TSPAN15: variants seen among roughly 807,000 people sequenced by gnomAD.
TSPAN15 encodes the protein tetraspanin 15, also known as tetraspanin-15.
In TSPAN15, 20 loss-of-function variants were observed where a neutral mutation model predicts 34.5. The observed-to-expected ratio is 0.58, with a 90% CI of 0.41 to 0.84. The LOEUF (loss-of-function observed/expected upper bound fraction) is 0.84, where lower values mean the gene tolerates loss of function less well. Ranked by LOEUF, TSPAN15 falls within the 40% of genes least tolerant of loss-of-function variation. TSPAN15 has a pLI of 0.00. For synonymous variants in TSPAN15, 155 were observed against 153.9 expected, an observed-to-expected ratio of 1.01 and a Z score of -0.05; for missense variants, 313 against 386.1, an observed-to-expected ratio of 0.81 and a Z score of 1.59.
chr10:69,483,922 TG>T, intron 2 of TSPAN15, 46 bp downstream of exon 2: 2 of 1,581,118 alleles, frequency 1.3e-6, no homozygotes, highest in Non-Finnish European at 1.7e-6. Flanking sequence ...CCAGGAGAGC[TG>T]GGGCGCCTGC....
the TSPAN15 span, among the ~76,000 whole-genome samples, chr10:69,524,764 A>ATT: frequency 7.3e-6 from 1 of 136,438 alleles, no homozygotes; most frequent in Admixed American, 8.1e-5. Flanking sequence ...AAATAACAAG[A>ATT]TTATATATAT....
chr10:69,535,374 T>A, the TSPAN15 span, among the ~76,000 whole-genome samples: 1 of 152,172 alleles, frequency 6.6e-6, no homozygotes, highest in Admixed American at 6.5e-5. Flanking sequence ...ATAATTATAA[T>A]GGACTGAAAT....
intron 1 of TSPAN15, among the ~76,000 whole-genome samples, chr10:69,460,267 A>G (rs1416670446): frequency 1.3e-5 from 2 of 152,004 alleles, no homozygotes; most frequent in Admixed American, 1.3e-4. Context: ...CAGAAGCACT[A>G]GGCCACAACA....
chr10:69,542,377 G>C, the TSPAN15 span, among the ~76,000 whole-genome samples: 1 of 152,298 alleles, frequency 6.6e-6, no homozygotes, highest in African/African-American at 2.4e-5. Flanking sequence ...CTTCCAGACT[G>C]TTCCAACCTC....
At position 69,495,644 on chromosome 10, in the gene TSPAN15, T is replaced by C; in HGVS notation, c.408T>C (p.Tyr136=). The part of the protein sequence containing the change: ...DNIRRGIENY[Y]DDLDFKNIMD... ...TTCGAAGAGGAATTGAGAACTACTATGATGATCTGGACTTCAAAAACATCA... is the reference window on the plus strand; with the variant it reads ...TTCGAAGAGGAATTGAGAACTACTACGATGATCTGGACTTCAAAAACATCA... The change falls in exon 4 of 8, where the codon TAT becomes TAC. Residue 136 remains tyrosine, a synonymous_variant. Transcript: ENST00000373290. The C allele has an allele frequency of 6.2e-7, 1 of 1,614,176 alleles. No homozygotes were observed. Among genetic ancestry groups the C allele is most frequent in the Non-Finnish European group, 8.5e-7 (1 of 1,179,986 alleles).
At chr10:69,530,779 A>ACTCTCTCTCTCTCT in the TSPAN15 span, among the ~76,000 whole-genome samples, 1 of 50,032 alleles carries the variant, frequency 2.0e-5, no homozygotes, top group African/African-American at 6.8e-5. Flanking sequence ...ACAGAGTGAG[A>ACTCTCTCTCTCTCT]CTCTCTCTCT....
At chr10:69,493,430 T>G (rs1299546178) in intron 3 of TSPAN15, among the ~76,000 whole-genome samples, 1 of 151,704 alleles carries the variant, frequency 6.6e-6, no homozygotes, top group Non-Finnish European at 1.5e-5. Flanking sequence ...CAGAGGACTT[T>G]CCTTCTGGCC....
the TSPAN15 span, among the ~76,000 whole-genome samples, chr10:69,530,699 G>T: frequency 1.4e-5 from 2 of 142,844 alleles, no homozygotes; most frequent in Non-Finnish European, 3.1e-5. Context: ...CCAGCTATTT[G>T]GGAGGCTGAG....
chr10:69,456,277 G>A (rs995277931), intron 1 of TSPAN15, among the ~76,000 whole-genome samples: 27 of 151,820 alleles, frequency 1.8e-4, no homozygotes, highest in Admixed American at 1.3e-4. Context: ...TGGTAGAGAC[G>A]GGGTTCTACC....
the TSPAN15 span, among the ~76,000 whole-genome samples, chr10:69,524,605 C>A: frequency 7.1e-6 from 1 of 140,580 alleles, no homozygotes; most frequent in African/African-American, 2.6e-5. Flanking sequence ...AGCACAATAA[C>A]ATATTTTAAA....
intron 5 of TSPAN15, among the ~76,000 whole-genome samples, chr10:69,500,237 C>T (rs1036306468): frequency 3.9e-5 from 6 of 152,138 alleles, no homozygotes; most frequent in African/African-American, 9.7e-5. Context: ...CAGCTCAGTT[C>T]GGCTGGAGGC....
chr10:69,509,635 GT>G (rs1211777642), downstream of TSPAN15, among the ~76,000 whole-genome samples: 1 of 152,140 alleles, frequency 6.6e-6, no homozygotes, highest in Non-Finnish European at 1.5e-5. Flanking sequence ...TGCTTTTGGT[GT>G]TTTAGTCATG....
chr10:69,539,885 C>T, the TSPAN15 span, among the ~76,000 whole-genome samples: 1 of 152,010 alleles, frequency 6.6e-6, no homozygotes, highest in Non-Finnish European at 1.5e-5. Flanking sequence ...ACATATATCA[C>T]TTTTACTTAT....
chr10:69,541,668 C>G, the TSPAN15 span, among the ~76,000 whole-genome samples: 9 of 152,258 alleles, frequency 5.9e-5, no homozygotes, highest in African/African-American at 2.2e-4. Flanking sequence ...CGTTTCCATA[C>G]ATTGTCTGAA....
the TSPAN15 span, among the ~76,000 whole-genome samples, chr10:69,539,237 G>A: frequency 3.2e-4 from 48 of 151,972 alleles, no homozygotes; most frequent in Admixed American, 5.9e-4. Flanking sequence ...AATGGACTTC[G>A]GAGACTTGCA....
chr10:69,528,128 A>G, the TSPAN15 span, among the ~76,000 whole-genome samples: 1 of 147,798 alleles, frequency 6.8e-6, no homozygotes, highest in Non-Finnish European at 1.5e-5. Flanking sequence ...GGAGTATGTG[A>G]GCAAGCGTGG....
the TSPAN15 span, among the ~76,000 whole-genome samples, chr10:69,544,995 G>A: frequency 1.3e-5 from 2 of 152,206 alleles, no homozygotes; most frequent in Non-Finnish European, 2.9e-5. Context: ...CCCTAGCTCC[G>A]AAGAGAGCAA....
chr10:69,497,707 C>T (rs113754643), intron 4 of TSPAN15, among the ~76,000 whole-genome samples: 4 of 152,282 alleles, frequency 2.6e-5, no homozygotes, highest in African/African-American at 9.6e-5. Context: ...AGGCACATAC[C>T]AGCCATCAGG....
chr10:69,538,413 TG>T, the TSPAN15 span, among the ~76,000 whole-genome samples: 3 of 152,152 alleles, frequency 2.0e-5, no homozygotes, highest in African/African-American at 7.2e-5. Context: ...GCAGGAGGTT[TG>T]TTTGAAGATA....
Sources: allele counts gnomAD v4.1 joint callset (sites outside exome capture counted in the v4.1 genomes callset), GRCh38; gene constraint gnomAD v4.1.1; transcripts MANE v1.5; gene names NCBI Gene and HGNC (gene_info 2026-07-23, HGNC 2026-07-21).